Variants in WWTR1 observed in about 807,000 individuals in gnomAD.
The protein encoded by WWTR1 is WW domain-containing transcription regulator protein 1.
A neutral mutation model predicts 40.1 loss-of-function variants in WWTR1; 13 were observed. The ratio of observed to expected loss-of-function variants is 0.32; its 90% CI spans 0.21 to 0.52. The LOEUF (loss-of-function observed/expected upper bound fraction) is 0.52, where lower values mean the gene tolerates loss of function less well. Among genes scored for constraint, WWTR1 ranks in the 20% least tolerant of loss-of-function variants. The pLI is 0.97. For synonymous variants in WWTR1, 230 were observed against 210.1 expected (o/e 1.09, Z -0.82); for missense variants, 436 against 523.1 (o/e 0.83, Z 1.63).
In WWTR1 at chr3:149,543,580, C is replaced by CAAAAAAAAAAAAAAAAAAAA. The variant is rs755442408; in HGVS notation, c.569-1063_569-1044dup. ...CTGGTGACAAAGAAAGACTCTGTCT[C>CAAAAAAAAAAAAAAAAAAAA]AAAAAAAAAAAAAAAAAAAAAAAGA... is the stretch of plus-strand genomic sequence containing the variant. On this transcript the variant is annotated intron_variant, in intron 3 of 6. Transcript: ENST00000360632. 4.8e-4 allele frequency among the ~76,000 whole-genome samples: 15 copies of CAAAAAAAAAAAAAAAAAAAA among 31,222 alleles called. 2 individuals are homozygous for CAAAAAAAAAAAAAAAAAAAA. Among genetic ancestry groups the CAAAAAAAAAAAAAAAAAAAA allele is most frequent in the Non-Finnish European group, 6.9e-4 (12 of 17,406 alleles). The allele number at this position is 31,222 out of a possible 152,430, so 20.5% of individuals were successfully genotyped here.
intron 5 of WWTR1, among the ~76,000 whole-genome samples, chr3:149,712,401 C>A (rs533875393): frequency 6.7e-4 from 102 of 152,296 alleles, no homozygotes; most frequent in African/African-American, 2.3e-3. Context: ...ATTATCATTT[C>A]TCTAAATCAG....
chr3:149,552,943 CT>C (rs1271595029), intron 3 of WWTR1, among the ~76,000 whole-genome samples: 2 of 152,150 alleles, frequency 1.3e-5, no homozygotes, highest in African/African-American at 4.8e-5. Context: ...TCTGCTTTCC[CT>C]TCAGGCATTT....
chr3:149,527,153 C>CTTTTTTTTTT (rs755334881), intron 5 of WWTR1, among the ~76,000 whole-genome samples: 3 of 144,462 alleles, frequency 2.1e-5, no homozygotes, highest in Admixed American at 6.9e-5. Flanking sequence ...CTTTTCTTTT[C>CTTTTTTTTTT]TTTCTTTTTT....
intron 2 of WWTR1, among the ~76,000 whole-genome samples, chr3:149,586,096 T>G (rs1738408946): frequency 6.6e-6 from 1 of 152,216 alleles, no homozygotes; most frequent in Admixed American, 6.5e-5. Flanking sequence ...TGTACCTGTT[T>G]CAATTATGAC....
chr3:149,575,578 A>G (rs1560067932), intron 2 of WWTR1, among the ~76,000 whole-genome samples: 1 of 152,180 alleles, frequency 6.6e-6, no homozygotes, highest in Non-Finnish European at 1.5e-5. Flanking sequence ...ATGTGGAAAT[A>G]TACATCATTT....
chr3:149,586,944 C>T (rs527579704), intron 2 of WWTR1, among the ~76,000 whole-genome samples: 2 of 152,310 alleles, frequency 1.3e-5, no homozygotes, highest in South Asian at 4.1e-4. Context: ...CTCCAAGTAC[C>T]TTGTCCTATG....
intron 2 of WWTR1, among the ~76,000 whole-genome samples, chr3:149,607,002 G>C (rs1171936426): frequency 3.3e-5 from 5 of 152,120 alleles, no homozygotes; most frequent in Non-Finnish European, 1.5e-5. Flanking sequence ...CGCTATTGTT[G>C]GACTATTGGT....
At chr3:149,538,898 TC>T (rs1735953973) in intron 4 of WWTR1, among the ~76,000 whole-genome samples, 5 of 152,352 alleles carry the variant, frequency 3.3e-5, no homozygotes, top group Middle Eastern at 3.4e-3. Flanking sequence ...GGCAGTCACA[TC>T]CCATTTACCT....
chr3:149,696,544 A>G (rs7647288), intron 1 of WWTR1, among the ~76,000 whole-genome samples: 101,850 of 152,070 alleles, frequency 0.67, 34,280 homozygotes, highest in Middle Eastern at 0.72. Context: ...AATATCACAA[A>G]CAATTCAATG....
At chr3:149,724,702 C>G (rs527645042) in exon 3 of WWTR1, 1 of 152,254 alleles carries the variant, frequency 6.6e-6, no homozygotes, top group South Asian at 2.1e-4. Context: ...TAGGCCATAC[C>G]TGGTCCTTGT....
chr3:149,667,104 G>A (rs1713853243), intron 2 of WWTR1, among the ~76,000 whole-genome samples: 1 of 152,162 alleles, frequency 6.6e-6, no homozygotes, highest in African/African-American at 2.4e-5. Context: ...GAGCGCTTGT[G>A]TGTATTAAAG....
rs1212131844 is a variant in WWTR1 at position 149,627,752 on chromosome 3, A to G, written c.431+29124T>C. ...GTCCTATTATTTTTAAAGAAAGTTG[A>G]CGCTTTCTAAAAAATTCTGAAGACA... On this transcript the variant is annotated intron_variant, in intron 2 of 6. Coordinates refer to ENST00000360632, the MANE Select transcript of WWTR1 (RefSeq NM_015472.6). Among the ~76,000 whole-genome samples the G allele has an allele frequency of 2.0e-5, 3 of 152,258 alleles. No individual in the cohort carries two copies. In the East Asian group the frequency reaches 5.8e-4, roughly 29 times the overall value.
chr3:149,572,167 C>CG (rs1737665480), intron 3 of WWTR1, among the ~76,000 whole-genome samples: 1 of 152,042 alleles, frequency 6.6e-6, no homozygotes, highest in African/African-American at 2.4e-5. Context: ...GCAAGACTTT[C>CG]GGAAAGTTTC....
chr3:149,576,629 A>G (rs958253282), intron 2 of WWTR1, among the ~76,000 whole-genome samples: 2 of 152,238 alleles, frequency 1.3e-5, no homozygotes, highest in African/African-American at 4.8e-5. Flanking sequence ...ACCTGCCTAT[A>G]TATGTGTATT....
At chr3:149,672,928 G>A (rs564392801) in intron 1 of WWTR1, among the ~76,000 whole-genome samples, 72 of 151,904 alleles carry the variant, frequency 4.7e-4, no homozygotes, top group African/African-American at 1.6e-3. Context: ...GACTACAGGC[G>A]CATGCTACCA....
At chr3:149,678,615 G>A (rs931516993) in intron 1 of WWTR1, among the ~76,000 whole-genome samples, 4 of 152,076 alleles carry the variant, frequency 2.6e-5, no homozygotes, top group African/African-American at 9.7e-5. Flanking sequence ...CTGCCACTGT[G>A]AAGGCTTACA....
At chr3:149,647,254 A>G (rs973000253) in intron 2 of WWTR1, among the ~76,000 whole-genome samples, 4 of 152,190 alleles carry the variant, frequency 2.6e-5, no homozygotes, top group Non-Finnish European at 4.4e-5. Flanking sequence ...CTTTGTACTT[A>G]TTTTAGGTTC....
intron 5 of WWTR1, among the ~76,000 whole-genome samples, chr3:149,714,894 A>C (rs986523619): frequency 3.3e-5 from 5 of 152,040 alleles, no homozygotes; most frequent in Non-Finnish European, 5.9e-5. Context: ...CTCGGAAGAG[A>C]GGATGGAGAG....
chr3:149,542,221 G>T, intron 4 of WWTR1, 114 bp downstream of exon 4: 2 of 1,229,466 alleles, frequency 1.6e-6, no homozygotes, highest in Non-Finnish European at 2.3e-6. Flanking sequence ...AGGGCTTTGA[G>T]CCCTATTGTC....
Sources: gnomAD v4.1 joint callset for allele counts (sites outside exome capture counted in the v4.1 genomes callset) on GRCh38, gnomAD v4.1.1 for gene constraint, MANE v1.5 for transcripts, NCBI Gene and HGNC (gene_info 2026-07-23, HGNC 2026-07-21) for gene names.